Variants in FAM135B observed in about 807,000 individuals in gnomAD.
FAM135B encodes protein FAM135B.
FAM135B carries 43 observed loss-of-function variants against 127.7 expected under a neutral mutation model. The ratio of observed to expected loss-of-function variants is 0.34; its 90% CI spans 0.26 to 0.43. The LOEUF is 0.43. Ranked by LOEUF, FAM135B falls within the 20% of genes least tolerant of loss-of-function variation. FAM135B has a pLI of 1.00. For missense variants in FAM135B, 1,558 were observed against 1,725.6 expected (o/e 0.90, Z 1.72); for synonymous variants, 670 against 665.1 (o/e 1.01, Z -0.11).
intron 1 of FAM135B, among the ~76,000 whole-genome samples, chr8:138,460,552 C>A (rs2131615288): frequency 6.6e-6 from 1 of 152,290 alleles, no homozygotes; most frequent in South Asian, 2.1e-4. Flanking sequence ...CCTCCCCATG[C>A]CTCAGAGTAT....
chr8:138,187,614 A>G (rs1391751339), intron 9 of FAM135B, among the ~76,000 whole-genome samples: 1 of 152,216 alleles, frequency 6.6e-6, no homozygotes, highest in African/African-American at 2.4e-5. Context: ...TATGATATAT[A>G]TACATACACA....
intron 7 of FAM135B, among the ~76,000 whole-genome samples, chr8:138,200,974 C>G (rs1157283878): frequency 6.6e-6 from 1 of 152,224 alleles, no homozygotes; most frequent in Non-Finnish European, 1.5e-5. Flanking sequence ...GCGAGCTTGT[C>G]CTTTCTCAGC....
intron 15 of FAM135B, 110 bp from the exon 16 acceptor site, chr8:138,143,219 C>A: frequency 1.5e-6 from 1 of 659,998 alleles, no homozygotes; most frequent in South Asian, 1.7e-5. Context: ...GGGGATGTGC[C>A]TACCTCTGAT....
At chr8:138,209,348 GGCTTTCT>G (rs1394630602) in intron 7 of FAM135B, among the ~76,000 whole-genome samples, 1 of 152,166 alleles carries the variant, frequency 6.6e-6, no homozygotes. Context: ...GGTAGAAAAA[GGCTTTCT>G]GGACAGATGC....
chr8:138,215,232 T>C (rs1297474698), intron 7 of FAM135B, among the ~76,000 whole-genome samples: 1 of 152,206 alleles, frequency 6.6e-6, no homozygotes, highest in Non-Finnish European at 1.5e-5. Context: ...ATGCCTAAGT[T>C]ACCTTATCTG....
intron 2 of FAM135B, among the ~76,000 whole-genome samples, chr8:138,366,567 G>A (rs1399753642): frequency 6.6e-6 from 1 of 152,184 alleles, no homozygotes; most frequent in Non-Finnish European, 1.5e-5. Context: ...CCCTGAAACA[G>A]AAAGCTGATC....
At chr8:138,143,387 C>T (rs1371172988) in intron 15 of FAM135B, among the ~76,000 whole-genome samples, 1 of 152,092 alleles carries the variant, frequency 6.6e-6, no homozygotes, top group Non-Finnish European at 1.5e-5. Flanking sequence ...ACGTGCCTGG[C>T]GTGTCAGCGT....
At chr8:138,464,878 C>T (rs1334539338) in intron 1 of FAM135B, among the ~76,000 whole-genome samples, 2 of 152,206 alleles carry the variant, frequency 1.3e-5, no homozygotes, top group African/African-American at 4.8e-5. Context: ...CTTTCTGTAC[C>T]TTGGCACTTT....
At chr8:138,337,891 G>A (rs1237126839) in intron 2 of FAM135B, among the ~76,000 whole-genome samples, 1 of 152,150 alleles carries the variant, frequency 6.6e-6, no homozygotes, top group Non-Finnish European at 1.5e-5. Flanking sequence ...AAACAGCATG[G>A]TACTGGTACC....
At chr8:138,258,331 G>A (rs1161425187) in intron 4 of FAM135B, among the ~76,000 whole-genome samples, 2 of 152,100 alleles carry the variant, frequency 1.3e-5, no homozygotes, top group Non-Finnish European at 2.9e-5. Context: ...GAGATATACA[G>A]ATGGAATTTA....
At chr8:138,406,769 C>A (rs1353479159) in intron 1 of FAM135B, among the ~76,000 whole-genome samples, 3 of 150,766 alleles carry the variant, frequency 2.0e-5, no homozygotes, top group South Asian at 2.1e-4. Flanking sequence ...TCGAAATAAT[C>A]AGAGCTATGT....
intron 3 of FAM135B, among the ~76,000 whole-genome samples, chr8:138,266,288 G>T (rs1246749166): frequency 6.6e-6 from 1 of 152,106 alleles, no homozygotes; most frequent in Non-Finnish European, 1.5e-5. Flanking sequence ...TCTCAAAGGT[G>T]CTGCTTGCAC....
At chr8:138,139,582 G>A (rs1816947518) in intron 17 of FAM135B, among the ~76,000 whole-genome samples, 1 of 152,154 alleles carries the variant, frequency 6.6e-6, no homozygotes, top group African/African-American at 2.4e-5. Context: ...AGACCAGCCT[G>A]GATAAAATGG....
intron 9 of FAM135B, among the ~76,000 whole-genome samples, chr8:138,188,972 C>T (rs921133280): frequency 6.6e-6 from 1 of 152,220 alleles, no homozygotes; most frequent in Non-Finnish European, 1.5e-5. Context: ...GCCCCACCCT[C>T]AGTCCTGGAA....
intron 1 of FAM135B, among the ~76,000 whole-genome samples, chr8:138,482,954 A>G (rs1482032744): frequency 6.6e-6 from 1 of 152,166 alleles, no homozygotes; most frequent in East Asian, 1.9e-4. Flanking sequence ...CCAAGAATTC[A>G]TTTAATGACT....
At chr8:138,206,876 C>T (rs1586773465) in intron 7 of FAM135B, among the ~76,000 whole-genome samples, 3 of 149,996 alleles carry the variant, frequency 2.0e-5, no homozygotes, top group African/African-American at 2.4e-5. Context: ...CACCTACCCA[C>T]AGCTCTATCA....
At chr8:138,483,249 A>G (rs959116603) in intron 1 of FAM135B, among the ~76,000 whole-genome samples, 3 of 152,186 alleles carry the variant, frequency 2.0e-5, no homozygotes, top group African/African-American at 7.2e-5. Flanking sequence ...AGGAGGCACC[A>G]TTTTATTTTT....
chr8:138,314,435 TA>T (rs1259795735), intron 2 of FAM135B, among the ~76,000 whole-genome samples: 1 of 151,726 alleles, frequency 6.6e-6, no homozygotes, highest in Admixed American at 6.6e-5. Flanking sequence ...AACTCAGTAG[TA>T]AAAACAAACA....
At chr8:138,375,316 G>A (rs1299085705) in intron 1 of FAM135B, among the ~76,000 whole-genome samples, 2 of 152,138 alleles carry the variant, frequency 1.3e-5, no homozygotes, top group Non-Finnish European at 2.9e-5. Flanking sequence ...GATTTACGAA[G>A]TACCATGTAA....
Sources: allele counts gnomAD v4.1 joint callset (sites outside exome capture counted in the v4.1 genomes callset), GRCh38; gene constraint gnomAD v4.1.1; transcripts MANE v1.5; gene names NCBI Gene and HGNC (gene_info 2026-07-23, HGNC 2026-07-21).